TMEM108: variants seen among roughly 807,000 people sequenced by gnomAD.
TMEM108 encodes cancer/testis antigen 124.
TMEM108 carries 12 observed loss-of-function variants against 35.1 expected under a neutral mutation model. That is an observed-to-expected ratio of 0.34 (90% CI 0.22 to 0.55). TMEM108 has a LOEUF of 0.55. Ranked by LOEUF, TMEM108 falls within the 20% of genes least tolerant of loss-of-function variation. The probability of loss-of-function intolerance (pLI) is 0.89; values close to 1 mark genes in which losing one functional copy is unlikely to be tolerated. For synonymous variants in TMEM108, 287 were observed against 308.6 expected, an observed-to-expected ratio of 0.93 and a Z score of 0.73; for missense variants, 680 against 753.3, an observed-to-expected ratio of 0.90 and a Z score of 1.14.
intron 3 of TMEM108, among the ~76,000 whole-genome samples, chr3:133,254,424 A>G (rs955128767): frequency 2.6e-5 from 4 of 152,212 alleles, no homozygotes; most frequent in Non-Finnish European, 5.9e-5. Flanking sequence ...GTAAATAAAA[A>G]TAGTTCCAGT....
intron 2 of TMEM108, among the ~76,000 whole-genome samples, chr3:133,217,178 T>C (rs1023323179): frequency 3.9e-5 from 6 of 152,080 alleles, no homozygotes; most frequent in Non-Finnish European, 8.8e-5. Flanking sequence ...CTGTTGTTAG[T>C]GTACAGTGAT....
At chr3:133,180,454 T>A (rs1022458678) in intron 2 of TMEM108, among the ~76,000 whole-genome samples, 6 of 152,032 alleles carry the variant, frequency 3.9e-5, no homozygotes, top group African/African-American at 1.4e-4. Context: ...TAATAAAGGG[T>A]TTTATTTTCC....
chr3:133,170,975 C>T (rs890351627), intron 2 of TMEM108, among the ~76,000 whole-genome samples: 1 of 152,126 alleles, frequency 6.6e-6, no homozygotes, highest in East Asian at 1.9e-4. Context: ...CAACTAAAAA[C>T]AGATATTGTT....
intron 3 of TMEM108, among the ~76,000 whole-genome samples, chr3:133,326,625 A>G (rs1157972727): frequency 6.6e-6 from 1 of 152,146 alleles, no homozygotes; most frequent in African/African-American, 2.4e-5. Flanking sequence ...GGTGGTGTCT[A>G]TAGTGGGAGT....
At chr3:133,087,695 T>TGGACCTTGTCTGG (rs1943900764) in intron 2 of TMEM108, among the ~76,000 whole-genome samples, 1 of 152,204 alleles carries the variant, frequency 6.6e-6, no homozygotes, top group Admixed American at 6.5e-5. Flanking sequence ...TAGCTTGCTC[T>TGGACCTTGTCTGG]GGACCTTGTC....
intron 3 of TMEM108, among the ~76,000 whole-genome samples, chr3:133,234,907 C>T (rs1406466171): frequency 6.6e-6 from 1 of 152,210 alleles, no homozygotes; most frequent in Non-Finnish European, 1.5e-5. Flanking sequence ...TCAACAGTCT[C>T]AGGATACAAA....
intron 2 of TMEM108, chr3:133,124,764 A>T (rs1358407870): frequency 6.6e-6 from 1 of 152,352 alleles, no homozygotes; most frequent in East Asian, 1.9e-4. Flanking sequence ...GGGGAGTGAG[A>T]TGGTGGTGTG....
intron 3 of TMEM108, among the ~76,000 whole-genome samples, chr3:133,255,727 G>A (rs181854323): frequency 6.3e-4 from 96 of 152,268 alleles, no homozygotes; most frequent in Admixed American, 5.6e-3. Flanking sequence ...GGTGGCTCAC[G>A]CCTGTAATCC....
At chr3:133,230,532 T>C (rs1335148822) in intron 3 of TMEM108, among the ~76,000 whole-genome samples, 2 of 152,086 alleles carry the variant, frequency 1.3e-5, no homozygotes, top group East Asian at 1.9e-4. Context: ...CTTTAAAGAT[T>C]AAAGAAGCAA....
intron 3 of TMEM108, among the ~76,000 whole-genome samples, chr3:133,290,991 A>G (rs1220264239): frequency 1.3e-5 from 2 of 152,212 alleles, no homozygotes; most frequent in African/African-American, 4.8e-5. Flanking sequence ...AATGGGATCA[A>G]CACTGTGTTA....
intron 2 of TMEM108, among the ~76,000 whole-genome samples, chr3:133,213,593 T>C (rs1294849268): frequency 1.3e-5 from 2 of 152,202 alleles, no homozygotes; most frequent in Admixed American, 1.3e-4. Flanking sequence ...TTGCAGTGAG[T>C]GACAGATGAA....
At position 133,089,161 on chromosome 3, in the gene TMEM108, C is replaced by T. The variant is rs115931830; in HGVS notation, c.-47+43141C>T. Among the ~76,000 whole-genome samples, 605 of 152,248 alleles carry T rather than the reference C, an allele frequency of 4.0e-3. 2 individuals are homozygous for T. Among genetic ancestry groups the T allele is most frequent in the African/African-American group, 0.014 (568 of 41,532 alleles). On this transcript the variant is annotated intron_variant, in intron 2 of 5. Coordinates refer to ENST00000321871, the MANE Select transcript of TMEM108 (RefSeq NM_023943.4). ...GCTAAACTAATTATGAGAAACTGCTCCTGTAATCCAATCACCTCCCACCAG... is the reference window on the plus strand; with the variant it reads ...GCTAAACTAATTATGAGAAACTGCTTCTGTAATCCAATCACCTCCCACCAG...
chr3:133,305,577 G>A (rs1002676456), intron 3 of TMEM108, among the ~76,000 whole-genome samples: 1 of 152,008 alleles, frequency 6.6e-6, no homozygotes. Flanking sequence ...ATGTCTTTGG[G>A]TGTACATGTT....
chr3:133,376,437 C>T (rs569191626), intron 3 of TMEM108, among the ~76,000 whole-genome samples: 18 of 152,136 alleles, frequency 1.2e-4, no homozygotes, highest in South Asian at 4.1e-4. Flanking sequence ...AGAGATTCCC[C>T]GGGCCCTTAA....
chr3:133,217,263 T>G (rs749902075), intron 2 of TMEM108, among the ~76,000 whole-genome samples: 1 of 152,080 alleles, frequency 6.6e-6, no homozygotes, highest in African/African-American at 2.4e-5. Flanking sequence ...GTTTTTTTGC[T>G]CATTTTTTAA....
intron 2 of TMEM108, among the ~76,000 whole-genome samples, chr3:133,168,155 G>A (rs1016330145): frequency 2.0e-5 from 3 of 152,216 alleles, no homozygotes; most frequent in Non-Finnish European, 4.4e-5. Flanking sequence ...TCCTGGCTGG[G>A]AACTCAGTTT....
At chr3:133,376,219 A>G (rs1421630030) in intron 3 of TMEM108, among the ~76,000 whole-genome samples, 1 of 152,052 alleles carries the variant, frequency 6.6e-6, no homozygotes, top group Admixed American at 6.5e-5. Flanking sequence ...AGTCAGGGGA[A>G]TTTTTTTCCC....
intron 3 of TMEM108, among the ~76,000 whole-genome samples, chr3:133,319,997 G>C (rs2071246244): frequency 6.6e-6 from 1 of 152,226 alleles, no homozygotes; most frequent in Non-Finnish European, 1.5e-5. Flanking sequence ...GCTGGGCGCA[G>C]TGGCTCATGC....
At chr3:133,395,657 T>C (rs962611948) in intron 5 of TMEM108, among the ~76,000 whole-genome samples, 3 of 151,838 alleles carry the variant, frequency 2.0e-5, no homozygotes, top group Admixed American at 2.0e-4. Flanking sequence ...GCACAAAAAT[T>C]AAAATATACA....
Sources: allele counts gnomAD v4.1 joint callset (sites outside exome capture counted in the v4.1 genomes callset), GRCh38; gene constraint gnomAD v4.1.1; transcripts MANE v1.5; gene names NCBI Gene and HGNC (gene_info 2026-07-23, HGNC 2026-07-21).